ERP27: variants seen among roughly 807,000 people sequenced by gnomAD.
The protein encoded by ERP27 is endoplasmic reticulum protein 27.
ERP27 carries 23 observed loss-of-function variants against 27.7 expected under a neutral mutation model. The ratio of observed to expected loss-of-function variants is 0.83; its 90% CI spans 0.60 to 1.18. The LOEUF is 1.18. ERP27 is among the 50% of genes most tolerant of loss of function. The pLI, the probability that ERP27 is intolerant of heterozygous loss-of-function variation, is 0.00. For synonymous variants in ERP27, 159 were observed against 118.3 expected (o/e 1.34, Z -2.23); for missense variants, 363 against 327.9 (o/e 1.11, Z -0.83).
chr12:14,929,204 A>AAC, intron 3 of ERP27: 1 of 1,241,332 alleles, frequency 8.1e-7, no homozygotes. Flanking sequence ...GAACAAGAAA[A>AAC]GCCAGTTACT....
intron 3 of ERP27, among the ~76,000 whole-genome samples, chr12:14,923,496 T>TCA (rs1863544056): frequency 4.4e-5 from 6 of 135,536 alleles, no homozygotes; most frequent in African/African-American, 1.2e-4. Context: ...ATAATCAATC[T>TCA]ATCTATCTAT....
In ERP27 at chr12:14,938,036, G is replaced by C; in HGVS notation, c.111C>G (p.Ala37=). 4 of 1,614,056 alleles carry C rather than the reference G, an allele frequency of 2.5e-6. No homozygotes were observed. The highest frequency in any genetic ancestry group is 3.4e-6 in the Non-Finnish European group (4 of 1,179,946). The change falls in exon 2 of 7, where the codon GCC becomes GCG. Residue 37 remains alanine (A), a synonymous_variant. Coordinates refer to ENST00000266397, the MANE Select transcript of ERP27 (RefSeq NM_152321.4). ...VEKSSDGPGA[A]QEPTWLTDVP... ...CATCTGTGAGCCACGTGGGTTCCTG[G>C]GCAGCACCAGGACCATCTAGAGAGA...
At chr12:14,919,294 T>C (rs1163402665) in intron 4 of ERP27, among the ~76,000 whole-genome samples, 1 of 152,200 alleles carries the variant, frequency 6.6e-6, no homozygotes, top group Non-Finnish European at 1.5e-5. Context: ...CTGCCTTCAC[T>C]AATAATATGG....
At chr12:14,914,894 G>T in intron 6 of ERP27, 112 bp from the exon 7 acceptor site, 3 of 839,714 alleles carry the variant, frequency 3.6e-6, no homozygotes, top group Non-Finnish European at 5.5e-6. Flanking sequence ...TATGAAGTTT[G>T]ATTTGTTGCC....
intron 1 of ERP27, 39 bp downstream of exon 1, chr12:14,938,376 C>T (rs1382584987): frequency 4.4e-6 from 7 of 1,598,166 alleles, no homozygotes; most frequent in Admixed American, 1.7e-5. Flanking sequence ...CCTAATAACA[C>T]TTTCACACTA....
chr12:14,929,134 A>G, intron 3 of ERP27: 1 of 1,456,318 alleles, frequency 6.9e-7, no homozygotes. Context: ...GCATGGATCA[A>G]GAATCCCCCC....
chr12:14,921,486 A>C (rs967123286), intron 3 of ERP27, among the ~76,000 whole-genome samples: 2 of 152,204 alleles, frequency 1.3e-5, no homozygotes, highest in Non-Finnish European at 2.9e-5. Flanking sequence ...TTGCAGAGAG[A>C]TCAGCTTAGA....
chr12:14,935,069 G>A, intron 2 of ERP27, 76 bp from the exon 3 acceptor site: 1 of 1,540,276 alleles, frequency 6.5e-7, no homozygotes, highest in South Asian at 1.2e-5. Flanking sequence ...AAAGAAATAT[G>A]ATATGATGTT....
intron 1 of ERP27, 106 bp downstream of exon 1, chr12:14,938,309 A>T: frequency 8.4e-7 from 1 of 1,192,940 alleles, no homozygotes; most frequent in Non-Finnish European, 1.2e-6. Context: ...TTTCCTGGAA[A>T]GCTTTCTAGG....
At chr12:14,921,319 T>G (rs1340670633) in intron 3 of ERP27, among the ~76,000 whole-genome samples, 2 of 152,072 alleles carry the variant, frequency 1.3e-5, no homozygotes, top group South Asian at 2.1e-4. Context: ...AAGGAAGAAG[T>G]TACTCCTGAA....
intron 4 of ERP27, among the ~76,000 whole-genome samples, chr12:14,920,519 C>T (rs899958497): frequency 6.6e-6 from 1 of 152,166 alleles, no homozygotes; most frequent in South Asian, 2.1e-4. Flanking sequence ...TTTAGGCACA[C>T]ACCATCATAC....
chr12:14,929,822 T>C (rs1404400360), intron 3 of ERP27, among the ~76,000 whole-genome samples: 1 of 152,206 alleles, frequency 6.6e-6, no homozygotes, highest in Non-Finnish European at 1.5e-5. Flanking sequence ...AAAATTGTCT[T>C]AGTTTATGCC....
chr12:14,935,068 T>C (rs770145408), intron 2 of ERP27, 75 bp from the exon 3 acceptor site: 19 of 1,540,806 alleles, frequency 1.2e-5, no homozygotes, highest in Non-Finnish European at 1.7e-5. Flanking sequence ...AAAAGAAATA[T>C]GATATGATGT....
intron 3 of ERP27, among the ~76,000 whole-genome samples, chr12:14,926,498 A>G (rs1485303003): frequency 6.6e-6 from 1 of 151,974 alleles, no homozygotes; most frequent in Non-Finnish European, 1.5e-5. Flanking sequence ...TCCAAATGCT[A>G]TTTTTCTTTA....
At chr12:14,932,850 T>C (rs1023286740) in intron 3 of ERP27, among the ~76,000 whole-genome samples, 2 of 152,204 alleles carry the variant, frequency 1.3e-5, no homozygotes, top group Admixed American at 6.5e-5. Context: ...CAAATGAGCA[T>C]AGCCACTTAA....
chr12:14,938,172 T>C (rs1863800432), intron 1 of ERP27, 120 bp from the exon 2 acceptor site: 1 of 836,758 alleles, frequency 1.2e-6, no homozygotes, highest in Non-Finnish European at 2.0e-6. Flanking sequence ...TTTATAGGAG[T>C]ACTGTTGGCA....
chr12:14,914,764 C>T lies in ERP27; in HGVS notation c.793G>A (p.Glu265Lys). Reference protein sequence around the residue: ...GKLLKENRESEGKTPKVEL With the variant: ...GKLLKENRESKGKTPKVEL ...AGTTCCACCTTTGGAGTCTTTCCTT[C>T]TGATTCACGATTTTCTTTCTGGAAA... Residue 265 changes from glutamate (E) to lysine (K), a missense_variant, in exon 7 of 7, where the codon GAA (glutamate) becomes AAA (lysine). Glu to Lys is a moderately conservative substitution (Grantham distance 56). Transcript: ENST00000266397. The T allele has an allele frequency of 6.2e-7, 1 of 1,613,804 alleles. No individual in the cohort carries two copies. The highest frequency in any genetic ancestry group is 8.5e-7 in the Non-Finnish European group (1 of 1,179,826).
At chr12:14,915,901 A>G in intron 5 of ERP27, 1 of 515,260 alleles carries the variant, frequency 1.9e-6, no homozygotes, top group Non-Finnish European at 3.4e-6. Flanking sequence ...TATTATCCTT[A>G]GCAAACTAAC....
chr12:14,925,474 T>C (rs1200863391), intron 3 of ERP27, among the ~76,000 whole-genome samples: 1 of 152,196 alleles, frequency 6.6e-6, no homozygotes, highest in Non-Finnish European at 1.5e-5. Context: ...AAATTTGATA[T>C]GTAGAATTTT....
Sources: gnomAD v4.1 joint callset for allele counts (sites outside exome capture counted in the v4.1 genomes callset) on GRCh38, gnomAD v4.1.1 for gene constraint, MANE v1.5 for transcripts, NCBI Gene and HGNC (gene_info 2026-07-23, HGNC 2026-07-21) for gene names.